Variants in TTC19 observed in about 807,000 individuals in gnomAD.
TTC19 encodes tetratricopeptide repeat protein 19, mitochondrial.
Under a neutral mutation model 49.5 loss-of-function variants are expected in TTC19, and 38 were observed. The ratio of observed to expected loss-of-function variants is 0.77; its 90% CI spans 0.59 to 1.01. TTC19 has a LOEUF of 1.01. TTC19 is among the 50% of genes least tolerant of loss of function. TTC19 has a pLI of 0.00. For missense variants in TTC19, 475 were observed against 477.7 expected (o/e 0.99, Z 0.05); for synonymous variants, 204 against 185.2 (o/e 1.10, Z -0.83).
downstream of TTC19, chr17:16,032,408 G>A (rs1369224106): frequency 6.2e-7 from 1 of 1,614,104 alleles, no homozygotes; most frequent in Non-Finnish European, 8.5e-7. Context: ...CGCAGAGGGA[G>A]CACATGCAAT....
At chr17:16,017,018 C>CT (rs1971236105) in intron 7 of TTC19, among the ~76,000 whole-genome samples, 1 of 152,146 alleles carries the variant, frequency 6.6e-6, no homozygotes, top group African/African-American at 2.4e-5. Context: ...AATCTTCTTT[C>CT]TTTATACATG....
In TTC19 at chr17:15,999,845, G is replaced by A. The variant is rs1352641399; in HGVS notation, c.-4G>A. On this transcript the variant is annotated 5_prime_UTR_variant, in exon 1 of 10. Transcript: ENST00000261647. ...CTGCAGTGCGCAGAGGACGCGGCGG[G>A]AGCATGTTCCGGCTCCTGAGCTGGA... 6.6e-6 allele frequency: 10 copies of A among 1,525,204 alleles called. No individual in the cohort carries two copies. The highest frequency in any genetic ancestry group is 2.0e-5 in the Admixed American group (1 of 50,068). 94.5% of individuals were successfully genotyped at this position (1,525,204 alleles called of 1,614,324 possible). A position where few individuals can be genotyped will look rare whatever the true frequency, so the allele number is the denominator to read the frequency against.
At chr17:16,025,196 G>A (rs758010059) in intron 8 of TTC19, 25 bp downstream of exon 8, 7 of 1,609,182 alleles carry the variant, frequency 4.4e-6, no homozygotes, top group Non-Finnish European at 5.9e-6. Context: ...CACAGAAGGG[G>A]GAATATAAAA....
At chr17:16,026,740 G>C (rs760705108) in intron 9 of TTC19, 38 bp downstream of exon 9, 1 of 1,608,680 alleles carries the variant, frequency 6.2e-7, no homozygotes, top group Non-Finnish European at 8.5e-7. Context: ...TTGCTTTAAG[G>C]GAGGGATGTC....
intron 7 of TTC19, among the ~76,000 whole-genome samples, chr17:16,016,238 G>A (rs1597460697): frequency 6.6e-6 from 1 of 152,144 alleles, no homozygotes; most frequent in East Asian, 1.9e-4. Flanking sequence ...AATTTTGGGG[G>A]GGATTTCTTC....
At position 16,028,986 on chromosome 17, in the gene TTC19, A is replaced by C. The variant is rs1971725558; in HGVS notation, c.*1464A>C. 4.6e-6 allele frequency: 2 copies of C among 431,334 alleles called. No homozygotes were observed. Among genetic ancestry groups the C allele is most frequent in the Non-Finnish European group, 9.1e-6 (2 of 219,876 alleles). The allele number at this position is 431,334 out of a possible 1,614,324, so 26.7% of individuals were successfully genotyped here. A position where few individuals can be genotyped will look rare whatever the true frequency, so the allele number is the denominator to read the frequency against. On this transcript the variant is annotated 3_prime_UTR_variant, in exon 10 of 10. Transcript: ENST00000261647. ...TCTCATATTATTTACCATGCAGCTAATGCCGTTTACCAAGTCTAGCTCAGA... is the reference window on the plus strand; with the variant it reads ...TCTCATATTATTTACCATGCAGCTACTGCCGTTTACCAAGTCTAGCTCAGA...
chr17:16,020,218 ATTT>A (rs1190481272), intron 7 of TTC19, among the ~76,000 whole-genome samples: 2 of 152,156 alleles, frequency 1.3e-5, no homozygotes, highest in African/African-American at 4.8e-5. Context: ...TTGTTATCAG[ATTT>A]TTTTGATAAT....
At chr17:16,034,959 C>T (rs1310557848) in intron 2 of TTC19, 2 of 1,612,032 alleles carry the variant, frequency 1.2e-6, no homozygotes, top group African/African-American at 2.7e-5. Context: ...AAGTGAAATT[C>T]AAGTTAAAGT....
downstream of TTC19, chr17:16,031,615 TA>T: frequency 1.3e-5 from 3 of 224,526 alleles, no homozygotes; most frequent in Non-Finnish European, 2.7e-5. Flanking sequence ...AAAAAAAAAT[TA>T]AAGCCTGCAC....
chr17:16,027,824 G>C lies in TTC19; in HGVS notation c.*302G>C. Reference sequence around the variant, plus strand: ...TAGAACTGTAGATTCATATGGGCTGGTGTTCCTGTGCGCTGTGGGTGTGGT... The same window carrying C: ...TAGAACTGTAGATTCATATGGGCTGCTGTTCCTGTGCGCTGTGGGTGTGGT... On this transcript the variant is annotated 3_prime_UTR_variant, in exon 10 of 10. Transcript: ENST00000261647. 1 of 498,120 alleles carries C rather than the reference G, an allele frequency of 2.0e-6. No individual in the cohort carries two copies. The highest frequency in any genetic ancestry group is 3.9e-6 in the Non-Finnish European group (1 of 254,892). 30.9% of individuals were successfully genotyped at this position (498,120 alleles called of 1,614,324 possible).
intron 2 of TTC19, among the ~76,000 whole-genome samples, chr17:16,001,601 C>T (rs1362798915): frequency 6.6e-6 from 1 of 152,172 alleles, no homozygotes. Flanking sequence ...ATGGTCACCT[C>T]CAGCCTGCAA....
At chr17:16,003,692 G>T in intron 4 of TTC19, 139 bp from the exon 5 acceptor site, 1 of 765,748 alleles carries the variant, frequency 1.3e-6, no homozygotes, top group Non-Finnish European at 2.2e-6. Context: ...GTACTTTTCT[G>T]TGTGTGAGTG....
chr17:16,024,243 ATTC>A (rs1234992042), intron 7 of TTC19: 3 of 151,964 alleles, frequency 2.0e-5, no homozygotes, highest in African/African-American at 4.8e-5. Context: ...TGTAAGCTTT[ATTC>A]TTCTTCTCTG....
At chr17:16,038,415 T>C (rs2056863826) in intron 2 of TTC19, among the ~76,000 whole-genome samples, 1 of 147,640 alleles carries the variant, frequency 6.8e-6, no homozygotes, top group African/African-American at 2.5e-5. Flanking sequence ...ACTGTTTCTT[T>C]TTCTTCCCTT....
Position 16,034,737 on chromosome 17 carries a change from A to G in TTC19, c.247+8035A>G, listed in dbSNP as rs750369915. 1.3e-5 allele frequency: 20 copies of G among 1,569,762 alleles called. No individual in the cohort carries two copies. The East Asian group carries it at 4.0e-4, about 32-fold the overall frequency. ...GACATTGATATTATTGCTCTGTCTCATTTTCTAAGTTAAAGCAGAATCCTT... is the reference window on the plus strand; with the variant it reads ...GACATTGATATTATTGCTCTGTCTCGTTTTCTAAGTTAAAGCAGAATCCTT... On this transcript the variant is annotated intron_variant, in intron 2 of 2. Transcript: ENST00000470649.
intron 7 of TTC19, among the ~76,000 whole-genome samples, chr17:16,020,419 G>C (rs534918605): frequency 6.6e-6 from 1 of 152,114 alleles, no homozygotes; most frequent in East Asian, 1.9e-4. Flanking sequence ...TTGTATTTTT[G>C]TGGGTTACGT....
At position 15,999,908 on chromosome 17, in the gene TTC19, G is replaced by A. The variant is rs1225273824; in HGVS notation, c.60G>A (p.Arg20=). 2.9e-6 allele frequency: 4 copies of A among 1,387,900 alleles called. No homozygotes were observed. The highest frequency in any genetic ancestry group is 1.6e-5 in the South Asian group (1 of 61,264). 86.0% of individuals were successfully genotyped at this position (1,387,900 alleles called of 1,614,324 possible). A position where few individuals can be genotyped will look rare whatever the true frequency, so the allele number is the denominator to read the frequency against. ...GRGFLRAAGR[R]CRGCSARLLP... is the part of the protein sequence containing the mutation. ...GCTTCCTGCGGGCCGCGGGGCGGCG[G>A]TGCCGGGGCTGCTCCGCGCGCCTGC... Residue 20 remains arginine (R), a synonymous_variant, in exon 1 of 10, where the codon CGG becomes CGA. Transcript: ENST00000261647.
At chr17:16,040,634 G>A in intron 2 of TTC19, 9 of 791,774 alleles carry the variant, frequency 1.1e-5, no homozygotes, top group African/African-American at 5.2e-5. Flanking sequence ...ATTAAGTGAA[G>A]ATAAAATGGA....
chr17:16,039,827 C>T lies in TTC19; in HGVS notation c.248-4676C>T, dbSNP rs538079473. 79 of 613,380 alleles carry T rather than the reference C, an allele frequency of 1.3e-4. 1 individual carries two copies. Among genetic ancestry groups the T allele is most frequent in the Middle Eastern group, 4.4e-4 (1 of 2,262 alleles). The allele number at this position is 613,380 out of a possible 1,614,324, so 38.0% of individuals were successfully genotyped here. On this transcript the variant is annotated intron_variant, in intron 2 of 2. Transcript: ENST00000470649. ...TTTTGGAGACAGAGTCTCTCTCTGT[C>T]GCACCCAGGCTGGAGTGCAGTGGCG... is the stretch of plus-strand genomic sequence containing the variant.
Sources: gnomAD v4.1 joint callset for allele counts (sites outside exome capture counted in the v4.1 genomes callset) on GRCh38, gnomAD v4.1.1 for gene constraint, MANE v1.5 for transcripts, NCBI Gene and HGNC (gene_info 2026-07-23, HGNC 2026-07-21) for gene names.